Variants in STK4 observed in about 807,000 individuals in gnomAD.
The protein encoded by STK4 is serine/threonine kinase 4.
STK4 carries 30 observed loss-of-function variants against 64.9 expected under a neutral mutation model. The ratio of observed to expected loss-of-function variants is 0.46; its 90% CI spans 0.35 to 0.63. STK4 has a LOEUF of 0.63. STK4 is among the 20% of genes least tolerant of loss of function. The pLI, the probability that STK4 is intolerant of heterozygous loss-of-function variation, is 0.01. For synonymous variants in STK4, 177 were observed against 199.0 expected, an observed-to-expected ratio of 0.89 and a Z score of 0.93; for missense variants, 466 against 598.5, an observed-to-expected ratio of 0.78 and a Z score of 2.31.
intron 6 of STK4, among the ~76,000 whole-genome samples, 163 bp downstream of exon 6, chr20:44,995,420 ACAT>A (rs2067710715): frequency 6.6e-6 from 1 of 152,090 alleles, no homozygotes. Context: ...AACCTGGCCA[ACAT>A]GGTGAAACCT....
At chr20:45,049,043 A>T (rs2068738646) in intron 10 of STK4, among the ~76,000 whole-genome samples, 1 of 152,198 alleles carries the variant, frequency 6.6e-6, no homozygotes, top group South Asian at 2.1e-4. Context: ...TGTTAATGTA[A>T]AATAGCTCAA....
chr20:45,045,942 C>G (rs376436635), intron 10 of STK4, among the ~76,000 whole-genome samples: 4,267 of 151,882 alleles, frequency 0.028, 186 homozygotes, highest in African/African-American at 0.092. Context: ...GAGTAGCTGA[C>G]ATTACAGGTG....
At chr20:44,970,553 T>C (rs1293689831) in intron 1 of STK4, 1 of 152,230 alleles carries the variant, frequency 6.6e-6, no homozygotes, top group Non-Finnish European at 1.5e-5. Context: ...TTTATAGAAG[T>C]TTCAGTTCTG....
chr20:44,972,336 C>A, intron 2 of STK4, 178 bp downstream of exon 2: 1 of 549,376 alleles, frequency 1.8e-6, no homozygotes, highest in Non-Finnish European at 3.3e-6. Flanking sequence ...TTTAGTGATT[C>A]CTGGTCTTTT....
intron 9 of STK4, among the ~76,000 whole-genome samples, chr20:45,008,758 G>A (rs2067994843): frequency 6.6e-6 from 1 of 152,020 alleles, no homozygotes; most frequent in Non-Finnish European, 1.5e-5. Flanking sequence ...TCTCATTGTG[G>A]TTTGGATTTG....
chr20:45,014,102 A>G (rs2068099411), intron 9 of STK4, among the ~76,000 whole-genome samples: 1 of 152,054 alleles, frequency 6.6e-6, no homozygotes, highest in Non-Finnish European at 1.5e-5. Context: ...TTTGATCATT[A>G]TGAAATAGGG....
At chr20:45,012,845 G>A (rs951057658) in intron 9 of STK4, among the ~76,000 whole-genome samples, 7 of 143,318 alleles carry the variant, frequency 4.9e-5, no homozygotes, top group Admixed American at 1.4e-4. Flanking sequence ...ATGCAGTGGC[G>A]CGATCCTAGC....
chr20:45,024,085 A>G (rs2068299928), intron 9 of STK4, among the ~76,000 whole-genome samples: 2 of 151,796 alleles, frequency 1.3e-5, no homozygotes, highest in Admixed American at 1.3e-4. Context: ...TATTTTTAAT[A>G]GAGATGGGGT....
chr20:45,078,927 A>G lies in STK4; in HGVS notation c.*3751A>G, dbSNP rs1980722810. On this transcript the variant is annotated 3_prime_UTR_variant, in exon 11 of 11. Coordinates refer to ENST00000372806, the MANE Select transcript of STK4 (RefSeq NM_006282.5). ...AGAATATTATGAATAATTTTATGCT[A>G]ATAAATTTAACAACTTCAACATCAT... 1 of 152,270 alleles carries G rather than the reference A, an allele frequency of 6.6e-6. No individual in the cohort carries two copies. The highest frequency in any genetic ancestry group is 2.4e-5 in the African/African-American group (1 of 41,460). The allele number at this position is 152,270 out of a possible 1,614,324, so 9.4% of individuals were successfully genotyped here.
In STK4 at chr20:44,981,891, A is replaced by G. The variant is rs1183297955; in HGVS notation, c.308A>G (p.Glu103Gly). ...FKNTDLWIVM[E>G]YCGAGSVSDI... is the part of the protein sequence containing the mutation. Reference sequence around the variant, plus strand: ...AACACAGACTTATGGATCGTTATGGAGTACTGTGGGGCTGGTTCTGTATCT... The same window carrying G: ...AACACAGACTTATGGATCGTTATGGGGTACTGTGGGGCTGGTTCTGTATCT... Residue 103 changes from glutamate to glycine, a missense_variant, in exon 4 of 11, where the codon GAG becomes GGG. Physicochemically the swap from Glu to Gly is moderately conservative, Grantham distance 98. Transcript: ENST00000372806. 6.2e-7 allele frequency: 1 copy of G among 1,614,022 alleles called. No homozygotes were observed. Among genetic ancestry groups the G allele is most frequent in the South Asian group, 1.1e-5 (1 of 91,070 alleles).
At chr20:44,991,030 G>A (rs942431540) in intron 5 of STK4, among the ~76,000 whole-genome samples, 3 of 152,140 alleles carry the variant, frequency 2.0e-5, no homozygotes, top group Admixed American at 6.6e-5. Context: ...TTCTGTGGCT[G>A]TAGTTATTTT....
chr20:44,983,344 T>G (rs2145656511), intron 4 of STK4, among the ~76,000 whole-genome samples: 1 of 152,338 alleles, frequency 6.6e-6, no homozygotes, highest in South Asian at 2.1e-4. Context: ...ACCTCATGCC[T>G]GTAATCCCAG....
chr20:45,055,514 C>G (rs1191426190), intron 10 of STK4, among the ~76,000 whole-genome samples: 2 of 151,618 alleles, frequency 1.3e-5, no homozygotes, highest in Non-Finnish European at 2.9e-5. Flanking sequence ...GGGGATCAGT[C>G]TTATCAAAGT....
intron 3 of STK4, 123 bp downstream of exon 3, chr20:44,978,694 C>T: frequency 9.0e-7 from 1 of 1,112,402 alleles, no homozygotes. Context: ...TCGATGGAAT[C>T]ACTGTGCATT....
chr20:45,011,730 T>TATATATATATATA (rs1555813605), intron 9 of STK4, among the ~76,000 whole-genome samples: 966 of 83,286 alleles, frequency 0.012, 7 homozygotes, highest in Non-Finnish European at 0.014. Flanking sequence ...TATATATATA[T>TATATATATATATA]TTTTTTTTTT....
intron 10 of STK4, chr20:45,053,231 G>A: frequency 6.8e-7 from 1 of 1,471,534 alleles, no homozygotes; most frequent in South Asian, 1.2e-5. Context: ...GGTTCTGCTG[G>A]TGGATCGTGC....
Position 44,978,434 on chromosome 20 carries a change from A to T in STK4, c.117-9A>T. 1 of 1,601,854 alleles carries T rather than the reference A, an allele frequency of 6.2e-7. No individual in the cohort carries two copies. Among genetic ancestry groups the T allele is most frequent in the Non-Finnish European group, 8.5e-7 (1 of 1,176,228 alleles). On this transcript the variant is annotated splice_polypyrimidine_tract_variant and intron_variant, in intron 2 of 10. Coordinates refer to ENST00000372806, the MANE Select transcript of STK4 (RefSeq NM_006282.5). ...CTTTATAAATGTTCTTCTTCTCCCA[A>T]ATGTATAGGTCCTATGGCAGCGTAT...
intron 9 of STK4, among the ~76,000 whole-genome samples, chr20:45,012,792 T>C (rs1448787258): frequency 1.8e-5 from 2 of 114,136 alleles, no homozygotes; most frequent in Non-Finnish European, 3.4e-5. Context: ...TTCTTCTTCT[T>C]CTTCTTCTTT....
chr20:45,014,964 C>T (rs2068115520), intron 9 of STK4, among the ~76,000 whole-genome samples: 1 of 152,132 alleles, frequency 6.6e-6, no homozygotes, highest in Non-Finnish European at 1.5e-5. Context: ...GCATAAGATT[C>T]TAATTTTTCT....
Sources: allele counts gnomAD v4.1 joint callset (sites outside exome capture counted in the v4.1 genomes callset), GRCh38; gene constraint gnomAD v4.1.1; transcripts MANE v1.5; gene names NCBI Gene and HGNC (gene_info 2026-07-23, HGNC 2026-07-21).